Variants in SETBP1 observed in about 807,000 individuals in gnomAD.
SETBP1 encodes SET binding protein 1.
SETBP1 carries 9 observed loss-of-function variants against 101.0 expected under a neutral mutation model. That is an observed-to-expected ratio of 0.09 (90% CI 0.05 to 0.16). The LOEUF (loss-of-function observed/expected upper bound fraction) is 0.16. Ranked by LOEUF, SETBP1 falls within the 10% of genes least tolerant of loss-of-function variation. The probability of loss-of-function intolerance (pLI) is 1.00; values close to 1 mark genes in which losing one functional copy is unlikely to be tolerated. For missense variants in SETBP1, 1,858 were observed against 2,033.8 expected, an observed-to-expected ratio of 0.91 and a Z score of 1.66; for synonymous variants, 818 against 788.5, an observed-to-expected ratio of 1.04 and a Z score of -0.63.
chr18:44,753,757 G>A (rs1331405926), intron 2 of SETBP1, among the ~76,000 whole-genome samples: 1 of 152,204 alleles, frequency 6.6e-6, no homozygotes, highest in Non-Finnish European at 1.5e-5. Flanking sequence ...TAAAGGTGGT[G>A]TGTGGTGGAC....
chr18:44,705,071 C>G (rs750952774), intron 2 of SETBP1, among the ~76,000 whole-genome samples: 8 of 152,204 alleles, frequency 5.3e-5, no homozygotes, highest in Non-Finnish European at 1.0e-4. Flanking sequence ...TATGTGCTGA[C>G]TTTGAGCTGG....
At chr18:44,800,354 A>G (rs1342260900) in intron 2 of SETBP1, among the ~76,000 whole-genome samples, 5 of 152,150 alleles carry the variant, frequency 3.3e-5, no homozygotes, top group African/African-American at 4.8e-5. Context: ...AGCAGCAATG[A>G]AAAAAGCAGG....
intron 4 of SETBP1, among the ~76,000 whole-genome samples, chr18:44,963,291 T>G (rs1426949812): frequency 6.6e-6 from 1 of 152,142 alleles, no homozygotes; most frequent in Non-Finnish European, 1.5e-5. Flanking sequence ...ATAGGCAATT[T>G]AGTCTTTGCT....
intron 4 of SETBP1, among the ~76,000 whole-genome samples, chr18:45,007,652 T>C (rs1273659620): frequency 1.3e-5 from 2 of 152,192 alleles, no homozygotes; most frequent in Non-Finnish European, 2.9e-5. Context: ...CCTACCATCA[T>C]TGGGATTAAT....
chr18:44,943,724 G>A (rs969420920), intron 3 of SETBP1, among the ~76,000 whole-genome samples: 16 of 152,206 alleles, frequency 1.1e-4, no homozygotes, highest in African/African-American at 3.9e-4. Flanking sequence ...GCTGAGGTCT[G>A]AGCACTTGCT....
chr18:44,768,388 A>G (rs774192653), intron 2 of SETBP1, among the ~76,000 whole-genome samples: 10 of 151,542 alleles, frequency 6.6e-5, no homozygotes, highest in Non-Finnish European at 1.2e-4. Context: ...ATGTGTGTGT[A>G]TGTGTGTGTG....
At chr18:44,851,724 A>T (rs1321560536) in intron 2 of SETBP1, among the ~76,000 whole-genome samples, 1 of 152,100 alleles carries the variant, frequency 6.6e-6, no homozygotes, top group Non-Finnish European at 1.5e-5. Flanking sequence ...GAGTGTTAGA[A>T]TCCTTCATGA....
At chr18:45,048,774 C>T (rs1273309409) in intron 5 of SETBP1, among the ~76,000 whole-genome samples, 1 of 151,118 alleles carries the variant, frequency 6.6e-6, no homozygotes, top group Non-Finnish European at 1.5e-5. Context: ...AGATCGAGAC[C>T]ATCCTGGCTA....
rs1316407204 is a variant in SETBP1 at position 44,950,137 on chromosome 18, A to G, written c.797A>G (p.Lys266Arg). The G allele has an allele frequency of 6.2e-7, 1 of 1,613,942 alleles. No homozygotes were observed. The highest frequency in any genetic ancestry group is 8.5e-7 in the Non-Finnish European group (1 of 1,180,046). The change falls in exon 4 of 6, where the codon AAG becomes AGG. Residue 266 changes from lysine to arginine, a missense_variant. Around this residue, in one of 12 missense-constraint regions of SETBP1, gnomAD observed 581 missense variants for 535.1 expected, o/e 1.09. Transcript: ENST00000649279. ...GCTTCCTTTGCAAAGGCCCAGGGTAAGAAAGGCAGTGCAGGGAACACGTGG... is the reference window on the plus strand; with the variant it reads ...GCTTCCTTTGCAAAGGCCCAGGGTAGGAAAGGCAGTGCAGGGAACACGTGG... ...PVASFAKAQG[K>R]KGSAGNTWSQ...
chr18:45,063,408 A>G lies in SETBP1; in HGVS notation c.4501A>G (p.Ser1501Gly). The change falls in exon 6 of 6, where the codon AGC becomes GGC. Residue 1501 changes from serine (S) to glycine (G), a missense_variant. This residue lies in a region of SETBP1 where 178 missense variants were observed against 189.1 expected (regional missense o/e 0.94). Transcript: ENST00000649279. ...CCCGCTGGTGCTGGAGCCCGCCGCC[A>G]GCCAAGACACCATCATGGCCACCAT... ...LSPLVLEPAA[S>G]QDTIMATIEA... 6.5e-7 allele frequency: 1 copy of G among 1,534,008 alleles called. No individual in the cohort carries two copies. The highest frequency in any genetic ancestry group is 8.8e-7 in the Non-Finnish European group (1 of 1,139,554).
chr18:45,028,839 C>A (rs1475388025), intron 4 of SETBP1, among the ~76,000 whole-genome samples: 1 of 152,148 alleles, frequency 6.6e-6, no homozygotes, highest in African/African-American at 2.4e-5. Context: ...ATGTCCTTCA[C>A]CCACTTTTTG....
At chr18:44,712,263 T>C (rs1159954372) in intron 2 of SETBP1, among the ~76,000 whole-genome samples, 3 of 152,086 alleles carry the variant, frequency 2.0e-5, no homozygotes, top group Admixed American at 1.3e-4. Flanking sequence ...TGGGGGTGGG[T>C]AGGAAATTCT....
chr18:45,030,590 T>A (rs948630638), intron 4 of SETBP1, among the ~76,000 whole-genome samples: 4 of 150,302 alleles, frequency 2.7e-5, no homozygotes, highest in African/African-American at 9.9e-5. Context: ...GGAATGGTAC[T>A]AGTTCCTCCT....
intron 4 of SETBP1, among the ~76,000 whole-genome samples, chr18:45,032,058 T>C (rs1243253942): frequency 6.6e-6 from 1 of 152,222 alleles, no homozygotes; most frequent in Non-Finnish European, 1.5e-5. Flanking sequence ...TGTGGAATTC[T>C]ACCCAACTTT....
At chr18:44,918,830 TG>T (rs1462325250) in intron 3 of SETBP1, among the ~76,000 whole-genome samples, 1 of 152,220 alleles carries the variant, frequency 6.6e-6, no homozygotes, top group Non-Finnish European at 1.5e-5. Flanking sequence ...TTATGTGCAC[TG>T]CCACTGGGAT....
chr18:44,936,318 G>A (rs758996505), intron 3 of SETBP1, among the ~76,000 whole-genome samples: 22 of 152,148 alleles, frequency 1.4e-4, no homozygotes, highest in African/African-American at 2.9e-4. Context: ...GAAATCTGGA[G>A]GCCACCAAGT....
At chr18:44,727,504 G>T (rs2069740540) in intron 2 of SETBP1, among the ~76,000 whole-genome samples, 2 of 152,290 alleles carry the variant, frequency 1.3e-5, no homozygotes, top group South Asian at 4.2e-4. Context: ...ATGGACAGTA[G>T]GTGGACACTG....
At chr18:44,769,258 T>C (rs149586254) in intron 2 of SETBP1, among the ~76,000 whole-genome samples, 1 of 152,248 alleles carries the variant, frequency 6.6e-6, no homozygotes, top group Non-Finnish European at 1.5e-5. Flanking sequence ...TGCCATTTTT[T>C]ATTTCTTTCC....
intron 3 of SETBP1, among the ~76,000 whole-genome samples, chr18:44,877,640 A>G (rs2144722660): frequency 6.6e-6 from 1 of 152,366 alleles, no homozygotes; most frequent in South Asian, 2.1e-4. Context: ...ATATTTGCCC[A>G]CGTGCATACA....
Sources: gnomAD v4.1 joint callset for allele counts (sites outside exome capture counted in the v4.1 genomes callset) on GRCh38, gnomAD v4.1.1 for gene constraint, gnomAD v4.1.1 regional missense constraint, MANE v1.5 for transcripts, NCBI Gene and HGNC (gene_info 2026-07-23, HGNC 2026-07-21) for gene names.